ZFYVE16: variants seen among roughly 807,000 people sequenced by gnomAD.
ZFYVE16 encodes zinc finger FYVE-type containing 16.
ZFYVE16 carries 89 observed loss-of-function variants against 138.1 expected under a neutral mutation model. The ratio of observed to expected loss-of-function variants is 0.64; its 90% confidence interval spans 0.54 to 0.77. ZFYVE16 has a LOEUF of 0.77. ZFYVE16 is among the 30% of genes least tolerant of loss of function. ZFYVE16 has a pLI of 0.00. For missense variants in ZFYVE16, 1,793 were observed against 1,786.7 expected, an observed-to-expected ratio of 1.00 and a Z score of -0.06; for synonymous variants, 596 against 618.3, an observed-to-expected ratio of 0.96 and a Z score of 0.53.
chr5:80,421,264 G>T (rs1353568724), intron 1 of ZFYVE16, among the ~76,000 whole-genome samples: 2 of 152,122 alleles, frequency 1.3e-5, no homozygotes, highest in East Asian at 3.8e-4. Flanking sequence ...CACTCTGATG[G>T]TAGTTTCTTT....
At chr5:80,422,747 C>G (rs1369693094) in intron 1 of ZFYVE16, among the ~76,000 whole-genome samples, 1 of 152,134 alleles carries the variant, frequency 6.6e-6, no homozygotes, top group Non-Finnish European at 1.5e-5. Context: ...GCCACTACGT[C>G]CAGCCTGGAT....
intron 6 of ZFYVE16, among the ~76,000 whole-genome samples, chr5:80,444,728 T>C (rs1353611406): frequency 6.6e-6 from 1 of 151,816 alleles, no homozygotes; most frequent in Non-Finnish European, 1.5e-5. Flanking sequence ...GTTACCTTTT[T>C]TTAGGTTTTT....
intron 6 of ZFYVE16, 76 bp downstream of exon 6, chr5:80,443,360 G>T: frequency 2.7e-6 from 4 of 1,504,552 alleles, no homozygotes; most frequent in Non-Finnish European, 3.6e-6. Context: ...CCAGAGTCTA[G>T]TCAGGAAAGA....
At chr5:80,465,391 C>CTTTTTTTTTTTTT (rs1561325159) in intron 15 of ZFYVE16, among the ~76,000 whole-genome samples, 3 of 33,928 alleles carry the variant, frequency 8.8e-5, no homozygotes, top group Non-Finnish European at 2.0e-4. Flanking sequence ...TTTTTTTTTC[C>CTTTTTTTTTTTTT]TTTTCTTTGT....
intron 17 of ZFYVE16, 95 bp downstream of exon 17, chr5:80,473,954 T>A: frequency 1.2e-6 from 1 of 836,546 alleles, no homozygotes; most frequent in Non-Finnish European, 1.9e-6. Context: ...TATTTATGCA[T>A]AGCTTATTAT....
chr5:80,437,916 G>A lies in ZFYVE16; in HGVS notation c.1231G>A (p.Val411Met). ...HEHKDNIQDA[V>M]TIHEEIQNSV... ...ACATAAAGATAATATACAAGATGCA[G>A]TGACTATACATGAAGAAATACAGAA... The change falls in exon 4 of 19, where the codon GTG (valine) becomes ATG (methionine). Residue 411 changes from valine (V) to methionine (M), a missense_variant. Around this residue, in one of 2 missense-constraint regions of ZFYVE16, gnomAD observed 1,295 missense variants for 1,204.3 expected, o/e 1.08. Coordinates refer to ENST00000505560, the MANE Select transcript of ZFYVE16 (RefSeq NM_001284236.3). 6.2e-7 allele frequency: 1 copy of A among 1,614,000 alleles called. No homozygotes were observed. The highest frequency in any genetic ancestry group is 8.5e-7 in the Non-Finnish European group (1 of 1,179,950).
Position 80,477,656 on chromosome 5 carries a change from T to A in ZFYVE16, c.*279T>A. On this transcript the variant is annotated 3_prime_UTR_variant, in exon 19 of 19. Transcript: ENST00000505560. Reference sequence around the variant, plus strand: ...AAATTTATAGCATTTACTGTGTTATTTAAATGCTAAGCCAAAGTATCTGCA... The same window carrying A: ...AAATTTATAGCATTTACTGTGTTATATAAATGCTAAGCCAAAGTATCTGCA... 4.2e-6 allele frequency: 1 copy of A among 239,840 alleles called. No homozygotes were observed. Among genetic ancestry groups the A allele is most frequent in the Non-Finnish European group, 7.9e-6 (1 of 126,864 alleles). The allele number at this position is 239,840 out of a possible 1,614,324, so 14.9% of individuals were successfully genotyped here.
intron 17 of ZFYVE16, among the ~76,000 whole-genome samples, chr5:80,474,443 T>A (rs1580376719): frequency 6.6e-6 from 1 of 152,310 alleles, no homozygotes; most frequent in South Asian, 2.1e-4. Context: ...TTGCTACAAA[T>A]TAACCTTAGG....
At position 80,456,549 on chromosome 5, in the gene ZFYVE16, G is replaced by A. The variant is rs542811896; in HGVS notation, c.3779G>A (p.Arg1260Gln). 2.4e-5 allele frequency: 38 copies of A among 1,610,474 alleles called. No individual in the cohort carries two copies. The highest frequency in any genetic ancestry group is 1.3e-4 in the East Asian group (6 of 44,674). ...GGAAAAAGCTGCATAAAAATACCAC[G>A]GAAAAAGTACAGTGATGTAAGTATA... The part of the protein sequence containing the change: ...EMGKSCIKIP[R>Q]KKYSDVMKVL... The change falls in exon 13 of 19, where the codon CGG becomes CAG. Residue 1260 changes from arginine to glutamine, a missense_variant. Coordinates refer to ENST00000505560, the MANE Select transcript of ZFYVE16 (RefSeq NM_001284236.3).
Position 80,477,505 on chromosome 5 carries a change from T to C in ZFYVE16, c.*128T>C. 1 of 807,984 alleles carries C rather than the reference T, an allele frequency of 1.2e-6. No homozygotes were observed. Among genetic ancestry groups the C allele is most frequent in the Non-Finnish European group, 1.8e-6 (1 of 567,768 alleles). 50.1% of individuals were successfully genotyped at this position (807,984 alleles called of 1,614,324 possible). ...TTTTTGAAACACATAAGCTTTGCTC[T>C]TTAGGCAGGAATGATCTTTTCAAAT... On this transcript the variant is annotated 3_prime_UTR_variant, in exon 19 of 19. Transcript: ENST00000505560.
At chr5:80,413,870 T>G (rs1419834716) in intron 1 of ZFYVE16, among the ~76,000 whole-genome samples, 1 of 151,576 alleles carries the variant, frequency 6.6e-6, no homozygotes, top group African/African-American at 2.4e-5. Context: ...ATTTGAAGTA[T>G]AGTTTACTCA....
At chr5:80,441,092 T>C (rs1750656265) in intron 5 of ZFYVE16, 4 of 985,450 alleles carry the variant, frequency 4.1e-6, no homozygotes, top group South Asian at 4.7e-5. Flanking sequence ...TTTTTTCTTA[T>C]GCTGTTTCAG....
intron 6 of ZFYVE16, among the ~76,000 whole-genome samples, chr5:80,444,217 G>A (rs1416430140): frequency 6.6e-6 from 1 of 152,048 alleles, no homozygotes; most frequent in Admixed American, 6.6e-5. Flanking sequence ...ATGAAATAAG[G>A]AGACTCAGCA....
At position 80,474,800 on chromosome 5, in the gene ZFYVE16, T is replaced by G. The variant is rs1162178246; in HGVS notation, c.4431T>G (p.Ile1477Met). 1.9e-6 allele frequency: 3 copies of G among 1,613,116 alleles called. No homozygotes were observed. The highest frequency in any genetic ancestry group is 1.3e-5 in the African/African-American group (1 of 74,898). The change falls in exon 18 of 19, where the codon ATT (isoleucine) becomes ATG (methionine). Residue 1477 changes from isoleucine (I) to methionine (M), a missense_variant. By Grantham distance (10) the Ile-to-Met change is conservative (BLOSUM62 1). Around this residue, in one of 2 missense-constraint regions of ZFYVE16, gnomAD observed 498 missense variants for 582.4 expected, o/e 0.86. Coordinates refer to ENST00000505560, the MANE Select transcript of ZFYVE16 (RefSeq NM_001284236.3). ...KTLKSNGMNKIGLRVSIDTDM... is the reference protein window; with the variant it reads ...KTLKSNGMNKMGLRVSIDTDM... ...TAAAAAGTAATGGGATGAATAAAAT[T>G]GGACTCAGAGTTTCCATTGACACTG...
At position 80,466,927 on chromosome 5, in the gene ZFYVE16, C is replaced by T. The variant is rs1023215010; in HGVS notation, c.4025-5834C>T. ...TTAACTTGCCCTATACCTATCCTCT[C>T]ATCTCCAGCACAGCAGAAGCCTTGA... On this transcript the variant is annotated intron_variant, in intron 15 of 18. Transcript: ENST00000505560. Among the ~76,000 whole-genome samples, 7 of 152,326 alleles carry T rather than the reference C, an allele frequency of 4.6e-5. No homozygotes were observed. The East Asian group carries it at 1.4e-3, about 29-fold the overall frequency.
At chr5:80,465,400 G>GGTTTTTTTTTTTTTTTTTTT (rs1753596919) in intron 15 of ZFYVE16, among the ~76,000 whole-genome samples, 1 of 26,780 alleles carries the variant, frequency 3.7e-5, no homozygotes, top group Non-Finnish European at 7.4e-5. Context: ...CCTTTTCTTT[G>GGTTTTTTTTTTTTTTTTTTT]TTTTTTTTTT....
chr5:80,431,524 G>T (rs1017559578), intron 2 of ZFYVE16, among the ~76,000 whole-genome samples: 1 of 152,122 alleles, frequency 6.6e-6, no homozygotes, highest in African/African-American at 2.4e-5. Context: ...TTTGAAAACT[G>T]GCACAAGACA....
At chr5:80,463,407 G>A (rs1006149644) in intron 15 of ZFYVE16, among the ~76,000 whole-genome samples, 74 of 152,142 alleles carry the variant, frequency 4.9e-4, no homozygotes, top group African/African-American at 1.7e-3. Flanking sequence ...CTTTAGCCAC[G>A]AGTGGGACAC....
At position 80,481,636 on chromosome 5, in the gene ZFYVE16, TATG is replaced by T. The variant is rs1755274034; in HGVS notation, c.*4261_*4263del. On this transcript the variant is annotated 3_prime_UTR_variant, in exon 19 of 19. Coordinates refer to ENST00000505560, the MANE Select transcript of ZFYVE16 (RefSeq NM_001284236.3). Reference sequence around the variant, plus strand: ...AAACAAAACAAAACAAAAACATTCTTATGAAGATTTAAACAGGATAGAGAATAT... The same window carrying T: ...AAACAAAACAAAACAAAAACATTCTTAAGATTTAAACAGGATAGAGAATAT... 6.6e-6 allele frequency among the ~76,000 whole-genome samples: 1 copy of T among 152,060 alleles called. No individual in the cohort carries two copies. The highest frequency in any genetic ancestry group is 1.5e-5 in the Non-Finnish European group (1 of 68,012).
Sources: allele counts gnomAD v4.1 joint callset (sites outside exome capture counted in the v4.1 genomes callset), GRCh38; gene constraint gnomAD v4.1.1; regional missense constraint gnomAD v4.1.1; transcripts MANE v1.5; gene names NCBI Gene and HGNC (gene_info 2026-07-23, HGNC 2026-07-21).